The following ZDHHC7 variants were observed in gnomAD, a reference collection of about 807,000 sequenced individuals.
The protein encoded by ZDHHC7 is palmitoyltransferase ZDHHC7.
In ZDHHC7, 12 loss-of-function variants were observed where a neutral mutation model predicts 34.1. The ratio of observed to expected loss-of-function variants is 0.35; its 90% CI spans 0.23 to 0.57. The LOEUF (loss-of-function observed/expected upper bound fraction) is 0.57. ZDHHC7 is among the 20% of genes least tolerant of loss of function. ZDHHC7 has a pLI of 0.84. For missense variants in ZDHHC7, 388 were observed against 402.7 expected (o/e 0.96, Z 0.31); for synonymous variants, 185 against 155.4 (o/e 1.19, Z -1.42).
chr16:84,997,494 A>G (rs1393898500), intron 1 of ZDHHC7, among the ~76,000 whole-genome samples: 1 of 149,166 alleles, frequency 6.7e-6, no homozygotes, highest in African/African-American at 2.4e-5. Flanking sequence ...AATGGTCTCG[A>G]TCTCCTGACC....
chr16:85,018,625 T>G, the ZDHHC7 span, among the ~76,000 whole-genome samples: 2 of 152,058 alleles, frequency 1.3e-5, no homozygotes, highest in Non-Finnish European at 2.9e-5. Flanking sequence ...TTTTGTATTT[T>G]TAGTAGAGAC....
intron 3 of ZDHHC7, among the ~76,000 whole-genome samples, chr16:84,983,591 C>G (rs775141657): frequency 1.3e-5 from 2 of 152,184 alleles, no homozygotes; most frequent in Non-Finnish European, 2.9e-5. Flanking sequence ...AGTCCCATGG[C>G]CGCAATATGG....
At chr16:84,998,240 G>T (rs1225905390) in intron 1 of ZDHHC7, among the ~76,000 whole-genome samples, 1 of 151,034 alleles carries the variant, frequency 6.6e-6, no homozygotes, top group African/African-American at 2.4e-5. Flanking sequence ...CTCCAGCCTG[G>T]GTGACAGAGC....
Position 85,009,701 on chromosome 16 carries a change from C to CTT in ZDHHC7, c.-104+1583_-104+1584dup, listed in dbSNP as rs200213740. Among the ~76,000 whole-genome samples, 748 of 132,036 alleles carry CTT rather than the reference C, an allele frequency of 5.7e-3. 17 individuals are homozygous for CTT. Among genetic ancestry groups the CTT allele is most frequent in the Admixed American group, 6.3e-3 (71 of 11,280 alleles). 86.6% of individuals were successfully genotyped at this position (132,036 alleles called of 152,430 possible). On this transcript the variant is annotated intron_variant, in intron 1 of 7. Coordinates refer to ENST00000313732, the MANE Select transcript of ZDHHC7 (RefSeq NM_017740.3). ...GCCTTTCACTTTAACCAAGTTCTGA[C>CTT]TTTTTTTCTTTTTTTTTTTTTTTTT...
chr16:85,005,532 G>A (rs545628324), intron 1 of ZDHHC7, among the ~76,000 whole-genome samples: 1 of 152,308 alleles, frequency 6.6e-6, no homozygotes, highest in South Asian at 2.1e-4. Flanking sequence ...CAGATCCACA[G>A]CCAGTTAGGG....
At chr16:84,990,930 G>T (rs2072501722) in intron 2 of ZDHHC7, among the ~76,000 whole-genome samples, 1 of 152,192 alleles carries the variant, frequency 6.6e-6, no homozygotes, top group African/African-American at 2.4e-5. Context: ...TAGACGCGAA[G>T]TCCCAGCACT....
At chr16:84,983,964 C>CAA (rs201105181) in intron 3 of ZDHHC7, among the ~76,000 whole-genome samples, 1 of 128,946 alleles carries the variant, frequency 7.8e-6, no homozygotes, top group Non-Finnish European at 1.7e-5. Context: ...TGCACTCCAG[C>CAA]AAAAAAAAAA....
intron 1 of ZDHHC7, among the ~76,000 whole-genome samples, chr16:85,003,144 G>T (rs570999755): frequency 7.0e-4 from 106 of 152,246 alleles, no homozygotes; most frequent in South Asian, 4.1e-3. Context: ...GAGTCCAGGG[G>T]GCAGGAGGAG....
chr16:85,010,907 A>G (rs947043276), intron 1 of ZDHHC7, among the ~76,000 whole-genome samples: 6 of 152,382 alleles, frequency 3.9e-5, no homozygotes, highest in East Asian at 1.9e-4. Context: ...GAGACTGCTC[A>G]TTGTAATACC....
the ZDHHC7 span, among the ~76,000 whole-genome samples, chr16:85,021,281 G>A: frequency 3.7e-4 from 56 of 151,110 alleles, no homozygotes; most frequent in East Asian, 4.7e-3. Flanking sequence ...GTGTGGTGGC[G>A]CACACCTTTA....
chr16:84,974,581 G>GA lies in ZDHHC7; in HGVS notation c.*1761dup, dbSNP rs1245561584. 2 of 152,654 alleles carry GA rather than the reference G, an allele frequency of 1.3e-5. No individual in the cohort carries two copies. Among genetic ancestry groups the GA allele is most frequent in the Admixed American group, 1.3e-4 (2 of 15,278 alleles). 9.5% of individuals were successfully genotyped at this position (152,654 alleles called of 1,614,324 possible). ...AAGTCTCACAGGATTCAACCACTTG[G>GA]ATAATTGTTTTATTGATAACAGGAT... is the stretch of plus-strand genomic sequence containing the variant. On this transcript the variant is annotated 3_prime_UTR_variant, in exon 8 of 8. Coordinates refer to ENST00000313732, the MANE Select transcript of ZDHHC7 (RefSeq NM_017740.3).
At chr16:85,024,742 A>T in the ZDHHC7 span, among the ~76,000 whole-genome samples, 1 of 151,994 alleles carries the variant, frequency 6.6e-6, no homozygotes, top group Non-Finnish European at 1.5e-5. Context: ...CTTGCTCTCC[A>T]CTCAAGTAGT....
At chr16:85,014,202 G>GT (rs2072825091), upstream of ZDHHC7, among the ~76,000 whole-genome samples, 1 of 152,210 alleles carries the variant, frequency 6.6e-6, no homozygotes, top group African/African-American at 2.4e-5. Flanking sequence ...TCTAAAGAGA[G>GT]TTTATTCAAG....
the ZDHHC7 span, among the ~76,000 whole-genome samples, chr16:85,024,323 C>T: frequency 6.6e-6 from 1 of 151,508 alleles, no homozygotes; most frequent in African/African-American, 2.4e-5. Context: ...CCTCCGCCTC[C>T]CAGGTTCAAG....
intron 5 of ZDHHC7, among the ~76,000 whole-genome samples, chr16:84,978,873 A>AG (rs1430316071): frequency 6.6e-6 from 1 of 151,766 alleles, no homozygotes; most frequent in East Asian, 1.9e-4. Context: ...AAAAAAAAAA[A>AG]AAAGAAAAAA....
chr16:85,016,396 A>G (rs899798994), upstream of ZDHHC7, among the ~76,000 whole-genome samples: 2 of 152,214 alleles, frequency 1.3e-5, no homozygotes, highest in Admixed American at 1.3e-4. Context: ...AGTTACTGGT[A>G]TAGCTTGCGT....
At chr16:85,015,131 C>T (rs8054262), upstream of ZDHHC7, among the ~76,000 whole-genome samples, 27,233 of 149,936 alleles carry the variant, frequency 0.18, 2,736 homozygotes, top group Admixed American at 0.29. Context: ...TGGAGTTTCA[C>T]GCTTGTCACC....
chr16:85,023,372 C>T, the ZDHHC7 span, among the ~76,000 whole-genome samples: 1 of 152,188 alleles, frequency 6.6e-6, no homozygotes, highest in African/African-American at 2.4e-5. Flanking sequence ...ACCGTGTTGG[C>T]CAGGCTGGTC....
chr16:85,027,458 T>C, the ZDHHC7 span, among the ~76,000 whole-genome samples: 1 of 152,060 alleles, frequency 6.6e-6, no homozygotes, highest in Non-Finnish European at 1.5e-5. Flanking sequence ...CTGATGGCGC[T>C]TCCCATGCCC....
Sources: gnomAD v4.1 joint callset for allele counts (sites outside exome capture counted in the v4.1 genomes callset) on GRCh38, gnomAD v4.1.1 for gene constraint, MANE v1.5 for transcripts, NCBI Gene and HGNC (gene_info 2026-07-23, HGNC 2026-07-21) for gene names.